The following OTOG variants were observed in gnomAD, a reference collection of about 807,000 sequenced individuals.
OTOG encodes otogelin.
In OTOG, 296 loss-of-function variants were observed where a neutral mutation model predicts 313.8. The observed-to-expected ratio is 0.94, with a 90% confidence interval of 0.86 to 1.04. OTOG has a LOEUF of 1.04. Among genes scored for constraint, OTOG ranks in the 50% least tolerant of loss-of-function variants. The pLI is 0.00. For synonymous variants in OTOG, 1,533 were observed against 1,554.9 expected (o/e 0.99, Z 0.33); for missense variants, 3,948 against 3,840.1 (o/e 1.03, Z -0.74).
intron 23 of OTOG, among the ~76,000 whole-genome samples, chr11:17,583,485 C>T (rs1339529803): frequency 6.6e-6 from 1 of 152,102 alleles, no homozygotes; most frequent in Non-Finnish European, 1.5e-5. Flanking sequence ...TTATATTTTA[C>T]ACATGTTTCA....
At chr11:17,582,831 A>G (rs1852703299) in intron 23 of OTOG, among the ~76,000 whole-genome samples, 2 of 151,896 alleles carry the variant, frequency 1.3e-5, no homozygotes, top group Admixed American at 1.3e-4. Flanking sequence ...GAGTTGTAAA[A>G]ATTTTTTATG....
chr11:17,633,731 A>G lies in OTOG; in HGVS notation c.7124A>G (p.Glu2375Gly), dbSNP rs1240478573. 1 of 1,549,982 alleles carries G rather than the reference A, an allele frequency of 6.5e-7. No homozygotes were observed. The change falls in exon 43 of 56, where the codon GAG becomes GGG. Residue 2375 changes from glutamate (E) to glycine (G), a missense_variant. Transcript: ENST00000399397. The stretch of plus-strand genomic sequence containing the variant: ...TACCAGGCATGTGTGACAGCCTGTG[A>G]GCCACCCAAGACATGCCAGGATGGG... Reference protein sequence around the residue: ...STYQACVTACEPPKTCQDGIL... With the variant: ...STYQACVTACGPPKTCQDGIL...
intron 33 of OTOG, among the ~76,000 whole-genome samples, chr11:17,606,974 G>T (rs892600615): frequency 6.6e-6 from 1 of 152,230 alleles, no homozygotes; most frequent in Non-Finnish European, 1.5e-5. Context: ...CTCTCCGGAA[G>T]ACACTAGGGC....
In OTOG at chr11:17,597,009, T is replaced by C; in HGVS notation, c.3682+2T>C. ...ACTGGCGAACCCCCCGCCTCTGCCGTGAGTGTCCCAGACAATCACCTGAGG... is the reference window on the plus strand; with the variant it reads ...ACTGGCGAACCCCCCGCCTCTGCCGCGAGTGTCCCAGACAATCACCTGAGG... On this transcript the variant is annotated splice_donor_variant, in intron 30 of 55. Transcript: ENST00000399397. LOFTEE classifies it high-confidence loss of function. 1.3e-6 allele frequency: 2 copies of C among 1,549,942 alleles called. No homozygotes were observed. Among genetic ancestry groups the C allele is most frequent in the Non-Finnish European group, 1.7e-6 (2 of 1,146,954 alleles).
rs1048323052 is a variant in OTOG, at chr11:17,570,310, C to A, written c.1875C>A (p.Tyr625Ter). Residue 625 changes from tyrosine (Y) to a stop codon, truncating the protein, a stop_gained, in exon 17 of 56, where the codon TAC becomes TAA. Coordinates refer to ENST00000399397, the MANE Select transcript of OTOG (RefSeq NM_001292063.2). LOFTEE classifies it high-confidence loss of function. ...ACGACCGTGAAGGGCTCCGACTGTA[C>A]CTGCAAGTGGACCAGCGATGGGTGG... ...VLYDREGLRL[Y>*]LQVDQRWVED... 1.3e-6 allele frequency: 2 copies of A among 1,550,742 alleles called. No individual in the cohort carries two copies. The highest frequency in any genetic ancestry group is 1.7e-6 in the Non-Finnish European group (2 of 1,147,014).
In OTOG at chr11:17,557,397, G is replaced by A. The variant is rs1852079905; in HGVS notation, c.865+74G>A. The A allele has an allele frequency of 2.8e-6, 4 of 1,436,496 alleles. No homozygotes were observed. In the Admixed American group the frequency reaches 6.0e-5, roughly 22 times the overall value. 89.0% of individuals were successfully genotyped at this position (1,436,496 alleles called of 1,614,324 possible). On this transcript the variant is annotated intron_variant, in intron 8 of 55. Transcript: ENST00000399397. Reference sequence around the variant, plus strand: ...ACAGGTCAGGCTGGGAGGGGTTGGAGGGGACTTGGAACAGAGCCCTGGGGT... The same window carrying A: ...ACAGGTCAGGCTGGGAGGGGTTGGAAGGGACTTGGAACAGAGCCCTGGGGT...
At chr11:17,585,042 T>G (rs1304367126) in intron 23 of OTOG, among the ~76,000 whole-genome samples, 2 of 152,206 alleles carry the variant, frequency 1.3e-5, no homozygotes, top group Non-Finnish European at 2.9e-5. Context: ...TTAATGCTGG[T>G]CTTATAAAAT....
chr11:17,634,413 G>A (rs1377253908), intron 44 of OTOG, 132 bp downstream of exon 44: 3 of 1,028,236 alleles, frequency 2.9e-6, no homozygotes, highest in South Asian at 3.2e-5. Context: ...TGAGCTTGGA[G>A]GAGGGGAGAA....
intron 40 of OTOG, among the ~76,000 whole-genome samples, chr11:17,629,974 T>TAC (rs5789996): frequency 0.019 from 2,816 of 150,456 alleles, 81 homozygotes; most frequent in African/African-American, 0.06. Context: ...TAAAAACACT[T>TAC]ACACACACAC....
rs545297115 is a variant in OTOG at position 17,604,532 on chromosome 11, A to G, written c.3878-1325A>G. Among the ~76,000 whole-genome samples, 5 of 152,302 alleles carry G rather than the reference A, an allele frequency of 3.3e-5. No homozygotes were observed. In the South Asian group the frequency reaches 1.0e-3, roughly 32 times the overall value. ...GCCTGCATCCAGCCCTGCCTCCCTC[A>G]TCCGCCGTCAGTGTGACTCTGGGCC... On this transcript the variant is annotated intron_variant, in intron 32 of 55. Transcript: ENST00000399397.
rs921685325 is a variant in OTOG at position 17,634,242 on chromosome 11, C to T, written c.7441C>T (p.Leu2481=). 6 of 1,550,400 alleles carry T rather than the reference C, an allele frequency of 3.9e-6. No individual in the cohort carries two copies. The highest frequency in any genetic ancestry group is 5.2e-6 in the Non-Finnish European group (6 of 1,146,950). The part of the protein sequence containing the change: ...CLRFGEVALL[L]PTKDPCCLGT... ...GCGATTCGGGGAGGTGGCCTTGCTCCTACCCACCAAGGACCCCTGCTGCCT... is the reference window on the plus strand; with the variant it reads ...GCGATTCGGGGAGGTGGCCTTGCTCTTACCCACCAAGGACCCCTGCTGCCT... Residue 2481 remains leucine (L), a synonymous_variant, in exon 44 of 56, where the codon CTA becomes TTA. Coordinates refer to ENST00000399397, the MANE Select transcript of OTOG (RefSeq NM_001292063.2).
intron 47 of OTOG, among the ~76,000 whole-genome samples, chr11:17,637,152 A>C (rs1854285856): frequency 6.6e-6 from 1 of 152,220 alleles, no homozygotes; most frequent in South Asian, 2.1e-4. Flanking sequence ...TAGTGGATAC[A>C]TATCCTTCCA....
At chr11:17,637,680 T>C (rs1854298299) in intron 47 of OTOG, among the ~76,000 whole-genome samples, 1 of 152,162 alleles carries the variant, frequency 6.6e-6, no homozygotes, top group Non-Finnish European at 1.5e-5. Context: ...CAGATTAGGG[T>C]GATGACCGTA....
Position 17,610,308 on chromosome 11 carries a change from C to T in OTOG, c.5008C>T (p.Pro1670Ser), listed in dbSNP as rs761398662. ...GGGATCCCACAAGGCTGTGCTGACA[C>T]CTGCAGTAACTAAGGTCATAAGCAG... ...SSGSHKAVLT[P>S]AVTKVISRTG... The change falls in exon 36 of 56, where the codon CCT becomes TCT. Residue 1670 changes from proline to serine, a missense_variant. By Grantham distance (74) the Pro-to-Ser change is moderately conservative (BLOSUM62 -1). Coordinates refer to ENST00000399397, the MANE Select transcript of OTOG (RefSeq NM_001292063.2). 7.0e-5 allele frequency: 108 copies of T among 1,550,660 alleles called. No individual in the cohort carries two copies. The highest frequency in any genetic ancestry group is 3.3e-4 in the Middle Eastern group (2 of 6,014).
intron 39 of OTOG, among the ~76,000 whole-genome samples, chr11:17,623,071 G>C (rs1198426268): frequency 3.3e-5 from 5 of 152,104 alleles, no homozygotes; most frequent in African/African-American, 9.7e-5. Flanking sequence ...TTATAGTTTT[G>C]ATTTGCATTT....
At chr11:17,611,571 C>G (rs1238750370) in intron 36 of OTOG, 148 bp downstream of exon 36, 1 of 917,232 alleles carries the variant, frequency 1.1e-6, no homozygotes, top group East Asian at 2.7e-5. Context: ...CCTATTGGCC[C>G]CTGATGCCAT....
intron 3 of OTOG, among the ~76,000 whole-genome samples, chr11:17,548,839 A>G (rs994571310): frequency 6.6e-6 from 1 of 151,948 alleles, no homozygotes; most frequent in Non-Finnish European, 1.5e-5. Context: ...TGCCTCCGTT[A>G]CCTGAGTAGC....
chr11:17,631,545 T>C (rs1854126250), intron 40 of OTOG, among the ~76,000 whole-genome samples, 157 bp from the exon 41 acceptor site: 2 of 152,144 alleles, frequency 1.3e-5, no homozygotes, highest in Non-Finnish European at 2.9e-5. Flanking sequence ...TTGTAGCAGG[T>C]TTCCTAGCTT....
At chr11:17,591,959 T>G (rs1852953165) in intron 25 of OTOG, among the ~76,000 whole-genome samples, 1 of 152,252 alleles carries the variant, frequency 6.6e-6, no homozygotes. Context: ...GTAAAGTTTA[T>G]GGATCCTATG....
Sources: allele counts gnomAD v4.1 joint callset (sites outside exome capture counted in the v4.1 genomes callset), GRCh38; gene constraint gnomAD v4.1.1; transcripts MANE v1.5; gene names NCBI Gene and HGNC (gene_info 2026-07-23, HGNC 2026-07-21).